The following SCRIB variants were observed in gnomAD, a reference collection of about 807,000 sequenced individuals.
The protein encoded by SCRIB is protein scribble homolog.
A neutral mutation model predicts 170.0 loss-of-function variants in SCRIB; 72 were observed. The observed-to-expected ratio is 0.42, with a 90% confidence interval of 0.35 to 0.52. The LOEUF (loss-of-function observed/expected upper bound fraction) is 0.52, where lower values mean the gene tolerates loss of function less well. Ranked by LOEUF, SCRIB falls within the 20% of genes least tolerant of loss-of-function variation. SCRIB has a pLI of 0.02. For missense variants in SCRIB, 2,475 were observed against 2,338.5 expected (o/e 1.06, Z -1.20); for synonymous variants, 1,298 against 1,044.3 (o/e 1.24, Z -4.68).
chr8:143,809,942 C>G (rs1013226814), intron 13 of SCRIB, among the ~76,000 whole-genome samples: 1 of 152,212 alleles, frequency 6.6e-6, no homozygotes, highest in Non-Finnish European at 1.5e-5. Flanking sequence ...AGCCCAGCCC[C>G]AAGGAAAGCC....
chr8:143,792,661 C>A (rs377040577), intron 30 of SCRIB, 26 bp from the exon 31 acceptor site: 2 of 1,590,850 alleles, frequency 1.3e-6, no homozygotes, highest in South Asian at 1.1e-5. Flanking sequence ...GTGGGTCAGG[C>A]CAGACCAGCC....
chr8:143,810,782 G>C lies in SCRIB; in HGVS notation c.1308C>G (p.Thr436=), dbSNP rs755738509. 1.9e-5 allele frequency: 31 copies of C among 1,604,412 alleles called. No homozygotes were observed. The highest frequency in any genetic ancestry group is 3.4e-6 in the Non-Finnish European group (4 of 1,177,864). Residue 436 remains threonine (T), a synonymous_variant, in exon 12 of 37, where the codon ACC becomes ACG. Transcript: ENST00000356994. ...DAGQQGSLSE[T]WSDAPPSRVS... Reference sequence around the variant, plus strand: ...CGCGGCTCGGCGGGGCATCGCTCCAGGTCTCCGAGAGGCTCCCCTGCTGCC... The same window carrying C: ...CGCGGCTCGGCGGGGCATCGCTCCACGTCTCCGAGAGGCTCCCCTGCTGCC...
In SCRIB at chr8:143,805,204, G is replaced by A. The variant is rs782130002; in HGVS notation, c.2578C>T (p.Arg860Cys). ...PPESPGPLRQ[R>C]HVACLARSER... ...CTGCGTGCCAGGCAGGCCACGTGGCGCTGACGGAGGGGCCCGGGGCTCTCA... is the reference window on the plus strand; with the variant it reads ...CTGCGTGCCAGGCAGGCCACGTGGCACTGACGGAGGGGCCCGGGGCTCTCA... Residue 860 changes from arginine to cysteine, a missense_variant, in exon 19 of 37, where the codon CGC (arginine) becomes TGC (cysteine). By Grantham distance (180) the Arg-to-Cys change is radical (BLOSUM62 -3). This residue lies in a region of SCRIB where 1,966 missense variants were observed against 1,742.9 expected (regional missense o/e 1.13). Coordinates refer to ENST00000356994, the MANE Select transcript of SCRIB (RefSeq NM_182706.5). The A allele has an allele frequency of 1.6e-5, 25 of 1,566,984 alleles. No homozygotes were observed. The highest frequency in any genetic ancestry group is 9.4e-5 in the South Asian group (8 of 85,416).
rs782203301 is a variant in SCRIB, at chr8:143,792,886, G to C, written c.4018-19C>G. 2.6e-5 allele frequency: 39 copies of C among 1,505,056 alleles called. No individual in the cohort carries two copies. Among genetic ancestry groups the C allele is most frequent in the Admixed American group, 8.8e-5 (4 of 45,634 alleles). The allele number at this position is 1,505,056 out of a possible 1,614,324, so 93.2% of individuals were successfully genotyped here. ...TGGGGGGCTGGGGGGAGCGGACCTT[G>C]AGGTTTGGCTGGCATTCCTCCGAGA... On this transcript the variant is annotated intron_variant, in intron 29 of 36. Transcript: ENST00000356994.
chr8:143,792,044 C>A lies in SCRIB; in HGVS notation c.4604G>T (p.Arg1535Leu). ...CGCAGGGGAAGGGGCCTCGGCCAGT[C>A]GCTCCAGGGGCCCCCGCGTGCCCCG... ...EGRGTRGPLE[R>L]LAEAPSPAPT... is the part of the protein sequence containing the mutation. The change falls in exon 33 of 37, where the codon CGA becomes CTA. Residue 1535 changes from arginine to leucine, a missense_variant. Around this residue, in one of 3 missense-constraint regions of SCRIB, gnomAD observed 1,966 missense variants for 1,742.9 expected, o/e 1.13. Transcript: ENST00000356994. 1 of 1,580,046 alleles carries A rather than the reference C, an allele frequency of 6.3e-7. No individual in the cohort carries two copies.
chr8:143,812,874 G>A lies in SCRIB; in HGVS notation c.730C>T (p.Leu244=), dbSNP rs755987989. 9 of 1,608,192 alleles carry A rather than the reference G, an allele frequency of 5.6e-6. No homozygotes were observed. Among genetic ancestry groups the A allele is most frequent in the South Asian group, 1.1e-5 (1 of 91,072 alleles). ...TGGGACAGCAGCAGGTCAGTGAGCA[G>A]CACCAGCCCGCCGAGCTCAGCAGGC... The part of the protein sequence containing the change: ...ELPAELGGLV[L]LTDLLLSQNL... Residue 244 remains leucine (L), a synonymous_variant, in exon 8 of 37, where the codon CTG becomes TTG. Transcript: ENST00000356994.
chr8:143,811,675 C>T (rs1815730436), intron 9 of SCRIB, among the ~76,000 whole-genome samples: 1 of 151,968 alleles, frequency 6.6e-6, no homozygotes, highest in African/African-American at 2.4e-5. Flanking sequence ...CACTGGTCTG[C>T]CCTGTCATCC....
chr8:143,811,833 T>G (rs1815739751), intron 9 of SCRIB, among the ~76,000 whole-genome samples: 1 of 152,118 alleles, frequency 6.6e-6, no homozygotes, highest in Non-Finnish European at 1.5e-5. Flanking sequence ...AGCTAGCTCC[T>G]GTTTCCCAGC....
chr8:143,797,883 T>G (rs1156453095), intron 24 of SCRIB, among the ~76,000 whole-genome samples: 1 of 152,260 alleles, frequency 6.6e-6, no homozygotes, highest in African/African-American at 2.4e-5. Context: ...GAGCCATGAA[T>G]AGGGCTGAGT....
Position 143,815,571 on chromosome 8 carries a change from C to G in SCRIB, c.-199G>C. On this transcript the variant is annotated 5_prime_UTR_variant, in exon 1 of 37. Transcript: ENST00000356994. ...GGAACGCTCGGACTGCGGGCCTGGG[C>G]AGGGGGCGCGGCCCGGCGGGTCTCA... The G allele has an allele frequency of 1.0e-6, 1 of 981,298 alleles. No individual in the cohort carries two copies. The highest frequency in any genetic ancestry group is 1.2e-6 in the Non-Finnish European group (1 of 828,318). 60.8% of individuals were successfully genotyped at this position (981,298 alleles called of 1,614,324 possible). A position where few individuals can be genotyped will look rare whatever the true frequency, so the allele number is the denominator to read the frequency against.
In SCRIB at chr8:143,803,686, G is replaced by C. The variant is rs782499833; in HGVS notation, c.3375C>G (p.Asn1125Lys). 17 of 1,579,378 alleles carry C rather than the reference G, an allele frequency of 1.1e-5. No individual in the cohort carries two copies. Among genetic ancestry groups the C allele is most frequent in the Non-Finnish European group, 8.6e-6 (10 of 1,169,226 alleles). Residue 1125 changes from asparagine to lysine, a missense_variant, in exon 23 of 37, where the codon AAC becomes AAG. Around this residue, in one of 3 missense-constraint regions of SCRIB, gnomAD observed 1,966 missense variants for 1,742.9 expected, o/e 1.13. Transcript: ENST00000356994. ...TGCCCTCGTCTGTGGGGTCGCGGGGGTTGCCAGCGTGGCCCCTGGCACCCC... is the reference window on the plus strand; with the variant it reads ...TGCCCTCGTCTGTGGGGTCGCGGGGCTTGCCAGCGTGGCCCCTGGCACCCC... Reference protein sequence around the residue: ...IRGGARGHAGNPRDPTDEGIF... With the variant: ...IRGGARGHAGKPRDPTDEGIF...
At position 143,791,167 on chromosome 8, in the gene SCRIB, G is replaced by A. The variant is rs1820060719; in HGVS notation, c.4964C>T (p.Ser1655Phe). ...PGRRGLGPVP[S>F] ...CTGGGGGAGGTGCCTGCTCCTCTAG[G>A]AGGGCACAGGGCCCAGGCCACGGCG... The change falls in exon 37 of 37, where the codon TCC (serine) becomes TTC (phenylalanine). Residue 1655 changes from serine (S) to phenylalanine (F), a missense_variant. Coordinates refer to ENST00000356994, the MANE Select transcript of SCRIB (RefSeq NM_182706.5). 5 of 1,421,514 alleles carry A rather than the reference G, an allele frequency of 3.5e-6. No homozygotes were observed. The highest frequency in any genetic ancestry group is 4.6e-6 in the Non-Finnish European group (5 of 1,086,588). The allele number at this position is 1,421,514 out of a possible 1,614,324, so 88.1% of individuals were successfully genotyped here. A position where few individuals can be genotyped will look rare whatever the true frequency, so the allele number is the denominator to read the frequency against.
In SCRIB at chr8:143,813,656, G is replaced by C. The variant is rs748929201; in HGVS notation, c.427C>G (p.Leu143Val). Residue 143 changes from leucine to valine, a missense_variant, in exon 4 of 37, where the codon CTG (leucine) becomes GTG (valine). Leu to Val is a conservative substitution (Grantham distance 32). Transcript: ENST00000356994. ...ACTCACTTGCCCACGTCCCCGGGCA[G>C]TGCCTGCAGAGACACATCATTCAGG... ...LALNDVSLQA[L>V]PGDVGNLANL... 19 of 1,613,472 alleles carry C rather than the reference G, an allele frequency of 1.2e-5. No individual in the cohort carries two copies. The highest frequency in any genetic ancestry group is 1.5e-5 in the Non-Finnish European group (18 of 1,179,988).
intron 1 of SCRIB, among the ~76,000 whole-genome samples, chr8:143,814,530 C>A (rs796752599): frequency 2.0e-5 from 3 of 152,202 alleles, no homozygotes; most frequent in African/African-American, 7.2e-5. Flanking sequence ...TAAACGCTCC[C>A]CACAATAACA....
At position 143,791,320 on chromosome 8, in the gene SCRIB, G is replaced by GGACAGGTGGGCAGT. The variant is rs782165990; in HGVS notation, c.4823-26_4823-13dup. On this transcript the variant is annotated splice_polypyrimidine_tract_variant and intron_variant, in intron 36 of 36. Transcript: ENST00000356994. ...CTCCTCCTGCGGGCCTGGAGGGCAGGGACAGGTGGGCAGTGAGCTGAGGGC... is the reference window on the plus strand; with the variant it reads ...CTCCTCCTGCGGGCCTGGAGGGCAGGGACAGGTGGGCAGTGACAGGTGGGCAGTGAGCTGAGGGC... 2.3e-5 allele frequency: 36 copies of GGACAGGTGGGCAGT among 1,581,916 alleles called. No homozygotes were observed. In the Admixed American group the frequency reaches 4.1e-4, roughly 18 times the overall value.
intron 28 of SCRIB, 77 bp from the exon 29 acceptor site, chr8:143,793,160 T>TC (rs1814784627): frequency 6.5e-6 from 5 of 774,128 alleles, no homozygotes; most frequent in Middle Eastern, 3.9e-4. Flanking sequence ...CCACCGGCTG[T>TC]CCCCCCGCCT....
At chr8:143,806,099 G>A (rs1192325362) in intron 18 of SCRIB, among the ~76,000 whole-genome samples, 1 of 152,140 alleles carries the variant, frequency 6.6e-6, no homozygotes, top group Non-Finnish European at 1.5e-5. Context: ...TCCTGGAGAG[G>A]CCACTGTGCC....
chr8:143,813,787 C>A (rs1168696636), intron 3 of SCRIB, 31 bp downstream of exon 3: 1 of 1,608,456 alleles, frequency 6.2e-7, no homozygotes, highest in Non-Finnish European at 8.5e-7. Context: ...ACCCATAGCC[C>A]CTACCGACCC....
intron 24 of SCRIB, among the ~76,000 whole-genome samples, chr8:143,801,391 T>C (rs1281296014): frequency 6.6e-6 from 1 of 152,216 alleles, no homozygotes; most frequent in Non-Finnish European, 1.5e-5. Flanking sequence ...TTGTTTAAAC[T>C]TCCAGAAATA....
Sources: allele counts gnomAD v4.1 joint callset (sites outside exome capture counted in the v4.1 genomes callset), GRCh38; gene constraint gnomAD v4.1.1; regional missense constraint gnomAD v4.1.1; transcripts MANE v1.5; gene names NCBI Gene and HGNC (gene_info 2026-07-23, HGNC 2026-07-21).